PCDHA5: variants seen among roughly 807,000 people sequenced by gnomAD.
The protein encoded by PCDHA5 is protocadherin alpha 5, also known as protocadherin alpha-5.
In PCDHA5, 43 loss-of-function variants were observed where a neutral mutation model predicts 61.6. The ratio of observed to expected loss-of-function variants is 0.70; its 90% CI spans 0.55 to 0.90. The LOEUF is 0.90. Ranked by LOEUF, PCDHA5 falls within the 40% of genes least tolerant of loss-of-function variation. PCDHA5 has a pLI of 0.00. For synonymous variants in PCDHA5, 627 were observed against 543.9 expected (o/e 1.15, Z -2.13); for missense variants, 1,298 against 1,222.7 (o/e 1.06, Z -0.92).
At chr5:140,883,406 G>T (rs782181791) in intron 1 of PCDHA5, 3 of 1,614,156 alleles carry the variant, frequency 1.9e-6, no homozygotes, top group Non-Finnish European at 1.7e-6. Context: ...TCGTGACTCT[G>T]GCTCAAATGG....
intron 1 of PCDHA5, among the ~76,000 whole-genome samples, chr5:140,942,439 A>C (rs1554214983): frequency 6.6e-6 from 1 of 152,200 alleles, no homozygotes; most frequent in Non-Finnish European, 1.5e-5. Context: ...AACAATAAAC[A>C]AGTAAACTAT....
intron 1 of PCDHA5, chr5:140,857,675 C>A: frequency 1.3e-6 from 2 of 1,597,044 alleles, no homozygotes; most frequent in Non-Finnish European, 1.7e-6. Context: ...GGGCGTGCCG[C>A]CTCTGGGCAG....
chr5:140,857,909 T>C (rs1554150840), intron 1 of PCDHA5: 1 of 1,597,744 alleles, frequency 6.3e-7, no homozygotes, highest in Non-Finnish European at 8.6e-7. Flanking sequence ...ACGCATCCCG[T>C]TTCGCGTGGG....
At chr5:140,919,816 A>T (rs542185810) in intron 1 of PCDHA5, among the ~76,000 whole-genome samples, 22 of 152,358 alleles carry the variant, frequency 1.4e-4, no homozygotes, top group African/African-American at 5.3e-4. Flanking sequence ...GGCCTCAAAA[A>T]TATATGTCCA....
intron 1 of PCDHA5, among the ~76,000 whole-genome samples, chr5:140,840,582 C>T (rs1776775651): frequency 6.6e-6 from 1 of 151,916 alleles, no homozygotes; most frequent in African/African-American, 2.4e-5. Flanking sequence ...TCAGAGAAAT[C>T]ATAAAGGAAA....
intron 1 of PCDHA5, among the ~76,000 whole-genome samples, chr5:140,930,604 G>C (rs2086982661): frequency 6.6e-6 from 1 of 152,108 alleles, no homozygotes; most frequent in South Asian, 2.1e-4. Flanking sequence ...AGAAATCCTA[G>C]ATGCAAGAGA....
At chr5:140,869,222 AAC>A (rs1554162674) in intron 1 of PCDHA5, 2 of 1,613,834 alleles carry the variant, frequency 1.2e-6, no homozygotes, top group South Asian at 2.2e-5. Context: ...GAGGAGGCCA[AAC>A]ACGGCACCTT....
intron 1 of PCDHA5, chr5:140,851,516 T>TA: frequency 2.2e-6 from 2 of 906,324 alleles, no homozygotes; most frequent in Non-Finnish European, 2.7e-6. Context: ...AAATATGTTT[T>TA]AAAATGCCTG....
At chr5:140,884,006 C>A in intron 1 of PCDHA5, 1 of 1,613,022 alleles carries the variant, frequency 6.2e-7, no homozygotes, top group Non-Finnish European at 8.5e-7. Context: ...AGTGAGCGAG[C>A]TGATGCCGCG....
chr5:140,860,713 A>G (rs2046537417), intron 1 of PCDHA5: 1 of 152,204 alleles, frequency 6.6e-6, no homozygotes, highest in Non-Finnish European at 1.5e-5. Context: ...GTTCTCCATG[A>G]AAAGTTTTTT....
intron 3 of PCDHA5, among the ~76,000 whole-genome samples, chr5:140,983,223 C>T (rs2153830857): frequency 6.6e-6 from 1 of 152,270 alleles, no homozygotes; most frequent in Admixed American, 6.5e-5. Context: ...CTAATCCAAA[C>T]TTTCAGGAAA....
At chr5:140,862,592 A>T (rs1554156626) in intron 1 of PCDHA5, 1 of 507,612 alleles carries the variant, frequency 2.0e-6, no homozygotes, top group Non-Finnish European at 4.0e-6. Context: ...CAGCCCGAGT[A>T]CATGGTGTTC....
Position 140,956,487 on chromosome 5 carries a change from C to G in PCDHA5, c.2353-22462C>G, listed in dbSNP as rs2095287981. The stretch of plus-strand genomic sequence containing the variant: ...GCATATGTTGAACCAGTCTTGCATC[C>G]CAGGGATGAAGCCTACTTGATCATG... On this transcript the variant is annotated intron_variant, in intron 1 of 3. Transcript: ENST00000529859. Among the ~76,000 whole-genome samples, 2 of 152,032 alleles carry G rather than the reference C, an allele frequency of 1.3e-5. 1 individual carries two copies. Among genetic ancestry groups the G allele is most frequent in the Admixed American group, 1.3e-4 (2 of 15,252 alleles).
chr5:140,825,524 A>G (rs1554130271), intron 1 of PCDHA5: 1 of 151,394 alleles, frequency 6.6e-6, no homozygotes, highest in Non-Finnish European at 1.5e-5. Flanking sequence ...TCCCAGGTTC[A>G]AGCGATTCTC....
intron 1 of PCDHA5, among the ~76,000 whole-genome samples, chr5:140,925,941 GAGA>G (rs1554203013): frequency 7.2e-6 from 1 of 138,610 alleles, no homozygotes; most frequent in East Asian, 1.9e-4. Flanking sequence ...GAGCCTCTTG[GAGA>G]AGGAGAAACT....
At chr5:140,996,597 C>G (rs183031992) in intron 3 of PCDHA5, among the ~76,000 whole-genome samples, 47 of 152,304 alleles carry the variant, frequency 3.1e-4, no homozygotes, top group African/African-American at 1.1e-3. Context: ...CGCCTCCCCC[C>G]ATTTTCATTT....
chr5:140,944,664 T>A (rs2093679523), intron 1 of PCDHA5, among the ~76,000 whole-genome samples: 1 of 152,202 alleles, frequency 6.6e-6, no homozygotes, highest in South Asian at 2.1e-4. Context: ...ACCCCTTATT[T>A]ATCTATTCTG....
Position 140,823,286 on chromosome 5 carries a change from C to A in PCDHA5, c.1511C>A (p.Ser504Ter). 1.2e-6 allele frequency: 2 copies of A among 1,612,438 alleles called. No individual in the cohort carries two copies. The highest frequency in any genetic ancestry group is 8.5e-7 in the Non-Finnish European group (1 of 1,179,762). ...VERRVGERPL[S>*]SYVSVHAESG... is the part of the protein sequence containing the mutation. ...CGGCGGGTGGGCGAGCGCCCGCTGT[C>A]GAGTTACGTTTCGGTGCACGCGGAG... Residue 504 changes from serine to a stop codon, truncating the protein, a stop_gained, in exon 1 of 4, where the codon TCG becomes TAG. Coordinates refer to ENST00000529859, the MANE Select transcript of PCDHA5 (RefSeq NM_018908.3). LOFTEE classifies it high-confidence loss of function.
At chr5:140,990,705 G>A (rs2097408066) in intron 3 of PCDHA5, among the ~76,000 whole-genome samples, 1 of 152,132 alleles carries the variant, frequency 6.6e-6, no homozygotes, top group Non-Finnish European at 1.5e-5. Flanking sequence ...AGATTTATGG[G>A]GATAAGAGCA....
Sources: gnomAD v4.1 joint callset for allele counts (sites outside exome capture counted in the v4.1 genomes callset) on GRCh38, gnomAD v4.1.1 for gene constraint, MANE v1.5 for transcripts, NCBI Gene and HGNC (gene_info 2026-07-23, HGNC 2026-07-21) for gene names.